Variants in GRID1 observed in about 807,000 individuals in gnomAD.
The protein encoded by GRID1 is glutamate receptor ionotropic, delta-1.
In GRID1, 28 loss-of-function variants were observed where a neutral mutation model predicts 98.0. The ratio of observed to expected loss-of-function variants is 0.29; its 90% CI spans 0.21 to 0.39. The LOEUF (loss-of-function observed/expected upper bound fraction) is 0.39, where lower values mean the gene tolerates loss of function less well. GRID1 is among the 10% of genes least tolerant of loss of function. The probability of loss-of-function intolerance (pLI) is 1.00; values close to 1 mark genes in which losing one functional copy is unlikely to be tolerated. For missense variants in GRID1, 1,111 were observed against 1,340.5 expected (o/e 0.83, Z 2.67); for synonymous variants, 553 against 538.5 (o/e 1.03, Z -0.37).
intron 4 of GRID1, among the ~76,000 whole-genome samples, chr10:85,946,641 G>C (rs894294469): frequency 2.0e-5 from 3 of 152,216 alleles, no homozygotes; most frequent in African/African-American, 7.2e-5. Context: ...AAGGGATGCT[G>C]TCCCTGCTCC....
At chr10:86,323,677 G>A (rs1186719181) in intron 2 of GRID1, among the ~76,000 whole-genome samples, 1 of 152,198 alleles carries the variant, frequency 6.6e-6, no homozygotes, top group Non-Finnish European at 1.5e-5. Context: ...TGGGTACAGG[G>A]TCTCTTCTCA....
chr10:86,196,093 A>T (rs1453770003), intron 3 of GRID1, among the ~76,000 whole-genome samples: 1 of 151,768 alleles, frequency 6.6e-6, no homozygotes, highest in Non-Finnish European at 1.5e-5. Context: ...CCTTCCATGG[A>T]CCCCTTCATC....
intron 8 of GRID1, among the ~76,000 whole-genome samples, chr10:85,841,283 T>C (rs1340995569): frequency 6.6e-6 from 1 of 152,068 alleles, no homozygotes; most frequent in Non-Finnish European, 1.5e-5. Context: ...TGGCTAGCCA[T>C]ATGCAGATTG....
chr10:85,961,007 C>T (rs1842259026), intron 4 of GRID1, among the ~76,000 whole-genome samples: 1 of 151,878 alleles, frequency 6.6e-6, no homozygotes, highest in Admixed American at 6.5e-5. Context: ...TGGCAAGGAG[C>T]TCTCTGTGGT....
intron 13 of GRID1, among the ~76,000 whole-genome samples, chr10:85,629,322 C>T (rs1289235493): frequency 6.6e-6 from 1 of 152,096 alleles, no homozygotes; most frequent in African/African-American, 2.4e-5. Context: ...TTTATTGTAA[C>T]CATCACCCAA....
chr10:86,190,968 CTGTGTGAACACACATGCACATATTGTG>C (rs906364628), intron 3 of GRID1, among the ~76,000 whole-genome samples: 2 of 152,192 alleles, frequency 1.3e-5, no homozygotes, highest in African/African-American at 2.4e-5. Context: ...ATGCATGTGC[CTGTGTGAACACACATGCACATATTGTG>C]TGTGTGAGAA....
intron 8 of GRID1, among the ~76,000 whole-genome samples, chr10:85,811,695 G>T (rs928449868): frequency 6.6e-6 from 1 of 152,084 alleles, no homozygotes; most frequent in Non-Finnish European, 1.5e-5. Flanking sequence ...AAAGCCTACA[G>T]AATTTATGGA....
intron 2 of GRID1, among the ~76,000 whole-genome samples, chr10:86,235,646 C>T (rs1038434210): frequency 4.6e-5 from 7 of 152,196 alleles, no homozygotes; most frequent in Admixed American, 1.3e-4. Context: ...TCATACAACA[C>T]GTAGTCTTCT....
intron 3 of GRID1, among the ~76,000 whole-genome samples, chr10:86,148,378 A>G (rs1043984870): frequency 1.3e-5 from 2 of 152,200 alleles, no homozygotes; most frequent in South Asian, 2.1e-4. Flanking sequence ...TAGAAAGACA[A>G]ATACTGCATG....
chr10:85,622,327 CT>C (rs1379039748), intron 13 of GRID1, among the ~76,000 whole-genome samples: 5 of 151,386 alleles, frequency 3.3e-5, no homozygotes, highest in African/African-American at 1.2e-4. Context: ...TAGGAGCTGC[CT>C]TCTGGACCTA....
intron 8 of GRID1, among the ~76,000 whole-genome samples, chr10:85,782,322 C>CT: frequency 6.6e-6 from 1 of 152,138 alleles, no homozygotes; most frequent in South Asian, 2.1e-4. Context: ...CAATCAATGC[C>CT]TTTTATGAGA....
intron 12 of GRID1, among the ~76,000 whole-genome samples, chr10:85,679,816 T>TAAC (rs1417239682): frequency 6.6e-6 from 1 of 152,150 alleles, no homozygotes; most frequent in Non-Finnish European, 1.5e-5. Context: ...AAACCATCTG[T>TAAC]AACAGTCAGT....
At chr10:86,090,878 A>G (rs1379004949) in intron 4 of GRID1, among the ~76,000 whole-genome samples, 1 of 152,220 alleles carries the variant, frequency 6.6e-6, no homozygotes, top group Non-Finnish European at 1.5e-5. Flanking sequence ...CCACTGGAGA[A>G]GCTGAAGGTC....
intron 2 of GRID1, among the ~76,000 whole-genome samples, chr10:86,300,576 T>G (rs1357525628): frequency 7.7e-6 from 1 of 130,502 alleles, no homozygotes; most frequent in Non-Finnish European, 1.6e-5. Flanking sequence ...ACAAAATACC[T>G]GGAAAGAGCT....
intron 4 of GRID1, among the ~76,000 whole-genome samples, chr10:86,093,728 C>A (rs1384923574): frequency 6.6e-6 from 1 of 152,068 alleles, no homozygotes; most frequent in Non-Finnish European, 1.5e-5. Flanking sequence ...AAAAAAAAGT[C>A]CAGGACCAGA....
chr10:85,880,356 T>C lies in GRID1; in HGVS notation c.781-11176A>G, dbSNP rs1285451177. ...TTAGACCAATATCCTTGATGAACAT[T>C]GATGCAAAAATCCTCAATAAAATAC... On this transcript the variant is annotated intron_variant, in intron 5 of 15. Transcript: ENST00000327946. 5.3e-5 allele frequency among the ~76,000 whole-genome samples: 8 copies of C among 152,224 alleles called. No individual in the cohort carries two copies. The East Asian group carries it at 1.4e-3, about 26-fold the overall frequency.
At chr10:85,963,361 A>C (rs1018421394) in intron 4 of GRID1, among the ~76,000 whole-genome samples, 7 of 152,144 alleles carry the variant, frequency 4.6e-5, no homozygotes, top group African/African-American at 1.4e-4. Context: ...CCTCTCTGCC[A>C]AGTTAAGAAA....
rs575914513 is a variant in GRID1, at chr10:85,877,168, C to T, written c.781-7988G>A. Among the ~76,000 whole-genome samples, 610 of 152,372 alleles carry T rather than the reference C, an allele frequency of 4.0e-3. 1 individual carries two copies. The highest frequency in any genetic ancestry group is 7.0e-3 in the Non-Finnish European group (473 of 68,028). The stretch of plus-strand genomic sequence containing the variant: ...GCCTGCCTGCCTCTGTAGGCTCCAC[C>T]TCTGGGGGCAGGGCACAGACAAACA... On this transcript the variant is annotated intron_variant, in intron 5 of 15. Coordinates refer to ENST00000327946, the MANE Select transcript of GRID1 (RefSeq NM_017551.3).
chr10:86,267,082 G>A (rs1051830771), intron 2 of GRID1, among the ~76,000 whole-genome samples: 1 of 152,178 alleles, frequency 6.6e-6, no homozygotes, highest in Admixed American at 6.5e-5. Flanking sequence ...CCCACCCCGG[G>A]AAAGTGCTTG....
Sources: allele counts gnomAD v4.1 joint callset (sites outside exome capture counted in the v4.1 genomes callset), GRCh38; gene constraint gnomAD v4.1.1; transcripts MANE v1.5; gene names NCBI Gene and HGNC (gene_info 2026-07-23, HGNC 2026-07-21).